Variants in LRMDA observed in about 807,000 individuals in gnomAD.
The protein encoded by LRMDA is leucine-rich melanocyte differentiation-associated protein.
Under a neutral mutation model 29.8 loss-of-function variants are expected in LRMDA, and 18 were observed. That is an observed-to-expected ratio of 0.60 (90% confidence interval 0.42 to 0.90). The LOEUF (loss-of-function observed/expected upper bound fraction) is 0.90, where lower values mean the gene tolerates loss of function less well. LRMDA is among the 40% of genes least tolerant of loss of function. The pLI, the probability that LRMDA is intolerant of heterozygous loss-of-function variation, is 0.00. For synonymous variants in LRMDA, 125 were observed against 109.4 expected (o/e 1.14, Z -0.89); for missense variants, 273 against 273.9 (o/e 1.00, Z 0.02).
chr10:75,644,911 G>A (rs2132122092), intron 2 of LRMDA, among the ~76,000 whole-genome samples: 1 of 151,870 alleles, frequency 6.6e-6, no homozygotes, highest in Middle Eastern at 3.5e-3. Context: ...TCTACCTCAA[G>A]GCCCACTCTT....
At chr10:75,488,020 G>C (rs77489862) in intron 2 of LRMDA, among the ~76,000 whole-genome samples, 2,845 of 152,286 alleles carry the variant, frequency 0.019, 31 homozygotes, top group Non-Finnish European at 0.031. Flanking sequence ...TGTGTCAGTT[G>C]GTTTGATGCC....
intron 5 of LRMDA, among the ~76,000 whole-genome samples, chr10:76,324,060 G>A (rs1237455236): frequency 1.3e-5 from 2 of 152,128 alleles, no homozygotes; most frequent in African/African-American, 4.8e-5. Context: ...CCTTTACTTT[G>A]TGGGAATTAC....
chr10:75,877,017 A>T (rs1845210180), intron 2 of LRMDA, among the ~76,000 whole-genome samples: 1 of 152,132 alleles, frequency 6.6e-6, no homozygotes, highest in African/African-American at 2.4e-5. Flanking sequence ...CCTGCTGTCC[A>T]CCACTCATAG....
chr10:76,419,453 G>T (rs1842051596), intron 6 of LRMDA, among the ~76,000 whole-genome samples: 1 of 151,914 alleles, frequency 6.6e-6, no homozygotes, highest in African/African-American at 2.4e-5. Flanking sequence ...AACATTCATT[G>T]TCTGGATGTA....
intron 4 of LRMDA, among the ~76,000 whole-genome samples, chr10:76,053,937 ACT>A (rs975118651): frequency 2.6e-5 from 4 of 152,120 alleles, no homozygotes; most frequent in African/African-American, 9.7e-5. Context: ...TGAATCAGAA[ACT>A]CTGGGGATGG....
At chr10:76,043,004 G>A (rs1212414926) in intron 3 of LRMDA, among the ~76,000 whole-genome samples, 1 of 152,064 alleles carries the variant, frequency 6.6e-6, no homozygotes, top group South Asian at 2.1e-4. Flanking sequence ...TTGGGAGGCC[G>A]AGGCAGGTGG....
At chr10:75,834,920 G>C (rs1285239756) in intron 2 of LRMDA, among the ~76,000 whole-genome samples, 1 of 152,178 alleles carries the variant, frequency 6.6e-6, no homozygotes, top group African/African-American at 2.4e-5. Context: ...CTAACAGCCT[G>C]TTCAAGCCCA....
At chr10:76,072,758 CTG>C (rs1250961484) in intron 5 of LRMDA, among the ~76,000 whole-genome samples, 2 of 152,242 alleles carry the variant, frequency 1.3e-5, no homozygotes, top group Non-Finnish European at 2.9e-5. Context: ...GTGTGCAACA[CTG>C]TTCCTTCTTG....
chr10:75,879,221 G>A (rs1197584342), intron 2 of LRMDA, among the ~76,000 whole-genome samples: 18 of 152,214 alleles, frequency 1.2e-4, no homozygotes, highest in Non-Finnish European at 2.5e-4. Flanking sequence ...ACAAGGGGCA[G>A]CGAGGCCCAG....
chr10:76,392,277 A>T (rs1319750867), intron 6 of LRMDA, among the ~76,000 whole-genome samples: 1 of 152,100 alleles, frequency 6.6e-6, no homozygotes, highest in Non-Finnish European at 1.5e-5. Context: ...AACGTAACAA[A>T]CTTGTTCTAT....
chr10:75,948,681 T>A (rs7098180), intron 2 of LRMDA, among the ~76,000 whole-genome samples: 162 of 152,266 alleles, frequency 1.1e-3, no homozygotes, highest in African/African-American at 3.7e-3. Flanking sequence ...CTGCAACATT[T>A]AATCTCTTCT....
rs537831032 is a variant in LRMDA, at chr10:75,745,362, C to T, written c.132-290646C>T. Reference sequence around the variant, plus strand: ...AGGGTGAAATTCACATAACATGATTCGCATCTTTTAATTTTTTGTTATTAA... The same window carrying T: ...AGGGTGAAATTCACATAACATGATTTGCATCTTTTAATTTTTTGTTATTAA... On this transcript the variant is annotated intron_variant, in intron 2 of 6. Coordinates refer to ENST00000611255, the MANE Select transcript of LRMDA (RefSeq NM_001305581.2). Among the ~76,000 whole-genome samples the T allele has an allele frequency of 1.5e-4, 23 of 152,192 alleles. No homozygotes were observed. In the East Asian group the frequency reaches 3.5e-3, roughly 23 times the overall value.
chr10:75,917,039 C>G (rs886977216), intron 2 of LRMDA, among the ~76,000 whole-genome samples: 2 of 152,168 alleles, frequency 1.3e-5, no homozygotes, highest in Admixed American at 1.3e-4. Context: ...TGTTACAGCT[C>G]TGGTTTCCAT....
chr10:75,710,168 C>T (rs967884280), intron 2 of LRMDA, among the ~76,000 whole-genome samples: 5 of 152,072 alleles, frequency 3.3e-5, no homozygotes, highest in African/African-American at 7.2e-5. Context: ...TATCTGGGAG[C>T]GTTGATAATT....
chr10:75,528,168 A>G (rs1845435682), intron 2 of LRMDA, among the ~76,000 whole-genome samples: 2 of 152,166 alleles, frequency 1.3e-5, no homozygotes, highest in African/African-American at 2.4e-5. Flanking sequence ...CTGAGAACCA[A>G]TCTGATTTAT....
chr10:75,899,310 C>T (rs1183966895), intron 2 of LRMDA, among the ~76,000 whole-genome samples: 1 of 152,142 alleles, frequency 6.6e-6, no homozygotes, highest in African/African-American at 2.4e-5. Flanking sequence ...ATAAGTCTAG[C>T]CATGAAGAAC....
chr10:75,837,132 T>G (rs528707968), intron 2 of LRMDA, among the ~76,000 whole-genome samples: 1 of 152,316 alleles, frequency 6.6e-6, no homozygotes, highest in South Asian at 2.1e-4. Flanking sequence ...AAGATAGTGC[T>G]GAGTGTTGAT....
At chr10:75,823,945 C>T (rs1250643479) in intron 2 of LRMDA, among the ~76,000 whole-genome samples, 1 of 152,024 alleles carries the variant, frequency 6.6e-6, no homozygotes, top group Non-Finnish European at 1.5e-5. Flanking sequence ...GCAATGGGTA[C>T]ACATCGACAT....
chr10:76,553,472 A>G (rs963618391), intron 6 of LRMDA, among the ~76,000 whole-genome samples: 1 of 152,114 alleles, frequency 6.6e-6, no homozygotes. Flanking sequence ...TCCCTCCGTA[A>G]TTTTCACAGT....
Sources: gnomAD v4.1 joint callset for allele counts (sites outside exome capture counted in the v4.1 genomes callset) on GRCh38, gnomAD v4.1.1 for gene constraint, MANE v1.5 for transcripts, NCBI Gene and HGNC (gene_info 2026-07-23, HGNC 2026-07-21) for gene names.